SLC25A21: variants seen among roughly 807,000 people sequenced by gnomAD.
SLC25A21 encodes mitochondrial 2-oxodicarboxylate carrier.
A neutral mutation model predicts 43.8 loss-of-function variants in SLC25A21; 47 were observed. That is an observed-to-expected ratio of 1.07 (90% confidence interval 0.85 to 1.37). The LOEUF is 1.37. Among genes scored for constraint, SLC25A21 ranks in the 40% most tolerant of loss-of-function variants. SLC25A21 has a pLI of 0.00. For missense variants in SLC25A21, 352 were observed against 350.2 expected (o/e 1.00, Z -0.04); for synonymous variants, 131 against 121.3 (o/e 1.08, Z -0.52).
intron 1 of SLC25A21, among the ~76,000 whole-genome samples, chr14:36,905,213 T>G (rs1891503182): frequency 6.6e-6 from 1 of 152,212 alleles, no homozygotes; most frequent in African/African-American, 2.4e-5. Context: ...CTATGGTAAA[T>G]GCTTCAGCAA....
At chr14:36,789,900 ATATATT>A (rs1434295043) in intron 3 of SLC25A21, among the ~76,000 whole-genome samples, 3 of 122,572 alleles carry the variant, frequency 2.4e-5, no homozygotes, top group African/African-American at 9.5e-5. Flanking sequence ...TATATATTAT[ATATATT>A]TATATATATT....
chr14:36,865,043 T>A (rs537712428), intron 2 of SLC25A21, among the ~76,000 whole-genome samples: 41 of 151,890 alleles, frequency 2.7e-4, no homozygotes, highest in Middle Eastern at 3.4e-3. Context: ...TTTTTTTTTT[T>A]AAAAGATCTA....
intron 2 of SLC25A21, among the ~76,000 whole-genome samples, chr14:36,835,703 T>G (rs1889186454): frequency 6.6e-6 from 1 of 152,232 alleles, no homozygotes; most frequent in Admixed American, 6.5e-5. Flanking sequence ...ATATAACATG[T>G]TCAGAGAGAT....
intron 2 of SLC25A21, among the ~76,000 whole-genome samples, chr14:36,851,938 C>A (rs7150169): frequency 0.074 from 11,204 of 152,074 alleles, 590 homozygotes; most frequent in East Asian, 0.21. Context: ...TAATTTCTAA[C>A]TAATGAACAT....
chr14:36,780,676 G>C (rs1347263204), intron 3 of SLC25A21, among the ~76,000 whole-genome samples: 1 of 151,982 alleles, frequency 6.6e-6, no homozygotes, highest in African/African-American at 2.4e-5. Context: ...ATACCACTGT[G>C]GTTGGAAAAG....
At chr14:36,718,080 C>G (rs1234792652) in intron 6 of SLC25A21, among the ~76,000 whole-genome samples, 1 of 152,028 alleles carries the variant, frequency 6.6e-6, no homozygotes, top group Non-Finnish European at 1.5e-5. Context: ...AAGGGAAAAA[C>G]TCACATAAGG....
At position 37,030,434 on chromosome 14, in the gene SLC25A21, C is replaced by T. The variant is rs938302089; in HGVS notation, c.70+141847G>A. 3.3e-5 allele frequency among the ~76,000 whole-genome samples: 5 copies of T among 152,156 alleles called. No individual in the cohort carries two copies. The East Asian group carries it at 7.7e-4, about 23-fold the overall frequency. ...CTCAGTTACTCATGATATTCCTCCA[C>T]CTGGGGTATCACCCCTTGAATAATC... On this transcript the variant is annotated intron_variant, in intron 1 of 9. Coordinates refer to ENST00000331299, the MANE Select transcript of SLC25A21 (RefSeq NM_030631.4).
chr14:36,775,996 C>G (rs369465432), intron 3 of SLC25A21, among the ~76,000 whole-genome samples: 6 of 152,092 alleles, frequency 3.9e-5, no homozygotes, highest in Non-Finnish European at 8.8e-5. Flanking sequence ...TTTTTCTATC[C>G]TTGCCCTACC....
chr14:36,832,279 TATA>T (rs1218496146), intron 2 of SLC25A21, among the ~76,000 whole-genome samples: 2 of 152,110 alleles, frequency 1.3e-5, no homozygotes, highest in African/African-American at 4.8e-5. Flanking sequence ...ATATCTTCAT[TATA>T]ATGAGTTATG....
chr14:36,787,393 A>C (rs951406148), intron 3 of SLC25A21, among the ~76,000 whole-genome samples: 2 of 152,218 alleles, frequency 1.3e-5, no homozygotes, highest in Admixed American at 1.3e-4. Flanking sequence ...AAAAGGACCA[A>C]TGTCATTTTT....
intron 1 of SLC25A21, among the ~76,000 whole-genome samples, chr14:36,959,502 A>G (rs17105776): frequency 0.37 from 56,241 of 151,868 alleles, 10,606 homozygotes; most frequent in South Asian, 0.48. Context: ...CCTTGCCCAC[A>G]TTTTCCAGGG....
intron 2 of SLC25A21, among the ~76,000 whole-genome samples, chr14:36,865,462 C>T (rs1279702822): frequency 6.6e-6 from 1 of 152,108 alleles, no homozygotes; most frequent in African/African-American, 2.4e-5. Flanking sequence ...ATTTCCATAT[C>T]ACTCTCAAAA....
intron 1 of SLC25A21, among the ~76,000 whole-genome samples, chr14:36,995,064 CCT>C (rs1960342177): frequency 6.6e-6 from 1 of 152,114 alleles, no homozygotes; most frequent in Non-Finnish European, 1.5e-5. Context: ...GAATTGATCC[CCT>C]TTCACGTCTG....
chr14:36,701,799 A>G lies in SLC25A21; in HGVS notation c.603+9519T>C, dbSNP rs1883290339. 2.0e-5 allele frequency among the ~76,000 whole-genome samples: 3 copies of G among 152,130 alleles called. No individual in the cohort carries two copies. In the South Asian group the frequency reaches 6.2e-4, roughly 32 times the overall value. On this transcript the variant is annotated intron_variant, in intron 7 of 9. Coordinates refer to ENST00000331299, the MANE Select transcript of SLC25A21 (RefSeq NM_030631.4). ...TATATTTCCTTGGGAACCCAGCAGG[A>G]TATTTCTGTTGTAGTGTGTTCTCTC...
chr14:37,067,291 T>C (rs555646242), intron 1 of SLC25A21, among the ~76,000 whole-genome samples: 1 of 152,140 alleles, frequency 6.6e-6, no homozygotes, highest in East Asian at 1.9e-4. Context: ...AAAAATGAAG[T>C]AAAAGCAGCC....
intron 1 of SLC25A21, among the ~76,000 whole-genome samples, chr14:36,978,949 G>A (rs540438117): frequency 7.2e-5 from 11 of 152,112 alleles, no homozygotes; most frequent in African/African-American, 1.9e-4. Flanking sequence ...TTAGCCAGAC[G>A]TGCTGCCACG....
At chr14:36,909,923 A>C (rs1372478290) in intron 1 of SLC25A21, among the ~76,000 whole-genome samples, 3 of 152,174 alleles carry the variant, frequency 2.0e-5, no homozygotes, top group Admixed American at 6.5e-5. Context: ...CATTGGCAGT[A>C]CCATTCCAAA....
At chr14:37,096,150 A>G (rs1008329586) in intron 1 of SLC25A21, among the ~76,000 whole-genome samples, 1 of 152,218 alleles carries the variant, frequency 6.6e-6, no homozygotes, top group Non-Finnish European at 1.5e-5. Context: ...TCTAGACTAT[A>G]TAACAGGTAC....
intron 1 of SLC25A21, among the ~76,000 whole-genome samples, chr14:37,020,612 C>T (rs1475482053): frequency 2.6e-5 from 4 of 151,680 alleles, no homozygotes; most frequent in African/African-American, 7.3e-5. Flanking sequence ...GTCCATCTGT[C>T]GGGAAAACAG....
Sources: gnomAD v4.1 joint callset for allele counts (sites outside exome capture counted in the v4.1 genomes callset) on GRCh38, gnomAD v4.1.1 for gene constraint, MANE v1.5 for transcripts, NCBI Gene and HGNC (gene_info 2026-07-23, HGNC 2026-07-21) for gene names.